BCAS3: variants seen among roughly 807,000 people sequenced by gnomAD.
BCAS3 encodes the protein BCAS4/BCAS3 fusion.
A neutral mutation model predicts 116.1 loss-of-function variants in BCAS3; 53 were observed. The observed-to-expected ratio is 0.46, with a 90% confidence interval of 0.37 to 0.57. The LOEUF (loss-of-function observed/expected upper bound fraction) is 0.57, where lower values mean the gene tolerates loss of function less well. Among genes scored for constraint, BCAS3 ranks in the 20% least tolerant of loss-of-function variants. The pLI is 0.00. For synonymous variants in BCAS3, 391 were observed against 408.2 expected, an observed-to-expected ratio of 0.96 and a Z score of 0.51; for missense variants, 917 against 1,165.4, an observed-to-expected ratio of 0.79 and a Z score of 3.10.
chr17:60,889,698 G>C lies in BCAS3; in HGVS notation c.665G>C (p.Cys222Ser). ...AGTGCCATTTGAAATTTTTCAGGCT[G>C]CTATCCATGTCCAGGGCCAAACATG... ...TFTKKFFVTS[C>S]YPCPGPNMNP... Residue 222 changes from cysteine to serine, a missense_variant, in exon 10 of 24, where the codon TGC (cysteine) becomes TCC (serine). Physicochemically the swap from Cys to Ser is moderately radical, Grantham distance 112 (BLOSUM62 -1). Transcript: ENST00000407086. 1 of 1,612,856 alleles carries C rather than the reference G, an allele frequency of 6.2e-7. No homozygotes were observed. The highest frequency in any genetic ancestry group is 1.1e-5 in the South Asian group (1 of 91,012).
intron 5 of BCAS3, among the ~76,000 whole-genome samples, chr17:60,710,944 A>G (rs2037840806): frequency 6.6e-6 from 1 of 151,672 alleles, no homozygotes; most frequent in Non-Finnish European, 1.5e-5. Flanking sequence ...CTGGGACTAC[A>G]GGCACGTGCC....
At chr17:60,913,414 A>C (rs1166249161) in intron 12 of BCAS3, among the ~76,000 whole-genome samples, 1 of 152,022 alleles carries the variant, frequency 6.6e-6, no homozygotes, top group Non-Finnish European at 1.5e-5. Flanking sequence ...AATATATATA[A>C]TTTGTAAAGC....
At chr17:61,031,921 C>T (rs895894586) in intron 16 of BCAS3, among the ~76,000 whole-genome samples, 22 of 152,118 alleles carry the variant, frequency 1.4e-4, no homozygotes, top group African/African-American at 5.1e-4. Flanking sequence ...GTAAAAATAA[C>T]ACCGTGTTGA....
chr17:61,202,478 C>T (rs1440070217), intron 22 of BCAS3, among the ~76,000 whole-genome samples: 2 of 151,952 alleles, frequency 1.3e-5, no homozygotes, highest in Non-Finnish European at 2.9e-5. Context: ...TTTCCTTTTT[C>T]CCCTCCTCAT....
At chr17:61,080,621 A>G (rs1261625634) in intron 21 of BCAS3, among the ~76,000 whole-genome samples, 2 of 152,030 alleles carry the variant, frequency 1.3e-5, no homozygotes, top group Non-Finnish European at 2.9e-5. Context: ...TTAGCCGGGC[A>G]TGGTGGTGCA....
At chr17:60,910,852 G>T in intron 12 of BCAS3, 150 bp downstream of exon 12, 2 of 742,686 alleles carry the variant, frequency 2.7e-6, no homozygotes, top group South Asian at 2.5e-5. Context: ...CTTTAAAAAT[G>T]ATTAGTAACA....
At chr17:61,329,832 T>C (rs934619296) in intron 22 of BCAS3, among the ~76,000 whole-genome samples, 3 of 152,088 alleles carry the variant, frequency 2.0e-5, no homozygotes, top group Non-Finnish European at 2.9e-5. Context: ...GCTGCACTTA[T>C]CCATGAAGAC....
chr17:60,898,014 A>G (rs1233130126), intron 10 of BCAS3, among the ~76,000 whole-genome samples: 1 of 151,910 alleles, frequency 6.6e-6, no homozygotes, highest in Non-Finnish European at 1.5e-5. Flanking sequence ...TGTTGGGATT[A>G]CAGGCATGAG....
intron 5 of BCAS3, among the ~76,000 whole-genome samples, chr17:60,732,905 T>C (rs1299513170): frequency 6.6e-6 from 1 of 152,216 alleles, no homozygotes; most frequent in Non-Finnish European, 1.5e-5. Context: ...TTCAATATGG[T>C]ATTTTAACAA....
chr17:60,754,071 TC>T (rs2042758005), intron 6 of BCAS3, among the ~76,000 whole-genome samples: 1 of 152,168 alleles, frequency 6.6e-6, no homozygotes, highest in Non-Finnish European at 1.5e-5. Flanking sequence ...TCTCTCTCTC[TC>T]TTGCCCATGC....
chr17:61,059,106 A>G (rs1287482253), intron 19 of BCAS3, among the ~76,000 whole-genome samples: 1 of 59,290 alleles, frequency 1.7e-5, no homozygotes, highest in African/African-American at 7.5e-5. Context: ...TTTTTGAGAC[A>G]GAGTCTCGTT....
At chr17:60,851,675 A>AG (rs2053183245) in intron 7 of BCAS3, 5 of 778,496 alleles carry the variant, frequency 6.4e-6, no homozygotes, top group Middle Eastern at 2.3e-4. Flanking sequence ...CCTGCAGAAA[A>AG]GGGGGAAATG....
At chr17:60,687,718 T>A (rs2034270292) in intron 3 of BCAS3, among the ~76,000 whole-genome samples, 1 of 151,818 alleles carries the variant, frequency 6.6e-6, no homozygotes, top group African/African-American at 2.4e-5. Flanking sequence ...TATCTAAGCA[T>A]GGGAAAAGGA....
intron 15 of BCAS3, among the ~76,000 whole-genome samples, chr17:61,011,387 C>T (rs1403640071): frequency 6.6e-6 from 1 of 151,954 alleles, no homozygotes; most frequent in Admixed American, 6.6e-5. Flanking sequence ...AAAATTTAGG[C>T]TTGATATAAC....
At chr17:61,369,612 C>T (rs78940224) in intron 23 of BCAS3, among the ~76,000 whole-genome samples, 7,489 of 152,252 alleles carry the variant, frequency 0.049, 565 homozygotes, top group African/African-American at 0.16. Context: ...CCGGTCCCTC[C>T]GTTCCTTCAC....
At chr17:60,811,222 A>C in intron 7 of BCAS3, 1 of 789,126 alleles carries the variant, frequency 1.3e-6, no homozygotes, top group East Asian at 2.9e-5. Flanking sequence ...GAGCTGGCAC[A>C]GACCCTGCAG....
intron 3 of BCAS3, among the ~76,000 whole-genome samples, chr17:60,686,747 A>G (rs978910484): frequency 1.3e-5 from 2 of 152,130 alleles, no homozygotes; most frequent in African/African-American, 4.8e-5. Flanking sequence ...GCTGGTCTTG[A>G]ATTCCTGACC....
Position 61,162,282 on chromosome 17 carries a change from G to A in BCAS3, c.2425+77718G>A, listed in dbSNP as rs756412606. ...GAAGTGGGAGCCTAGTTAAGATTCC[G>A]ATTCTCTGTGGGATGGGGATAGGTA... On this transcript the variant is annotated intron_variant, in intron 22 of 23. Coordinates refer to ENST00000407086, the MANE Select transcript of BCAS3 (RefSeq NM_017679.5). This position sits in a 1 kb window ranked among gnomAD's most constrained non-coding sequence, Gnocchi z 5.6. Among the ~76,000 whole-genome samples the A allele has an allele frequency of 5.3e-4, 80 of 152,154 alleles. No homozygotes were observed. The highest frequency in any genetic ancestry group is 1.8e-3 in the African/African-American group (74 of 41,436).
rs113021029 is a variant in BCAS3 at position 61,110,332 on chromosome 17, C to T, written c.2425+25768C>T. On this transcript the variant is annotated intron_variant, in intron 22 of 23. Transcript: ENST00000407086. ...ATTTCTGCATTTCCATCTGAGGTAC[C>T]GGGTTCATCTCACTAGGGAGTGCCA... Among the ~76,000 whole-genome samples, 227 of 152,230 alleles carry T rather than the reference C, an allele frequency of 1.5e-3. 1 individual carries two copies. Among genetic ancestry groups the T allele is most frequent in the African/African-American group, 4.7e-3 (194 of 41,552 alleles).
Sources: allele counts gnomAD v4.1 joint callset (sites outside exome capture counted in the v4.1 genomes callset), GRCh38; gene constraint gnomAD v4.1.1; non-coding constraint Gnocchi (gnomAD v3.1); transcripts MANE v1.5; gene names NCBI Gene and HGNC (gene_info 2026-07-23, HGNC 2026-07-21).